The following WASHC5 variants were observed in gnomAD, a reference collection of about 807,000 sequenced individuals.
The protein encoded by WASHC5 is WASH complex subunit 5.
WASHC5 carries 101 observed loss-of-function variants against 150.4 expected under a neutral mutation model. That is an observed-to-expected ratio of 0.67 (90% CI 0.57 to 0.79). The LOEUF (loss-of-function observed/expected upper bound fraction) is 0.79. Among genes scored for constraint, WASHC5 ranks in the 30% least tolerant of loss-of-function variants. The pLI, the probability that WASHC5 is intolerant of heterozygous loss-of-function variation, is 0.00. For missense variants in WASHC5, 1,195 were observed against 1,396.3 expected (o/e 0.86, Z 2.30); for synonymous variants, 467 against 491.2 (o/e 0.95, Z 0.65).
At chr8:125,034,127 C>T (rs945003222) in intron 26 of WASHC5, among the ~76,000 whole-genome samples, 3 of 152,066 alleles carry the variant, frequency 2.0e-5, no homozygotes, top group Non-Finnish European at 2.9e-5. Flanking sequence ...CCAATAAGCA[C>T]ATGAAAAAGT....
At chr8:125,034,669 A>G (rs1815645845) in intron 26 of WASHC5, among the ~76,000 whole-genome samples, 1 of 152,232 alleles carries the variant, frequency 6.6e-6, no homozygotes, top group South Asian at 2.1e-4. Context: ...ACAGACCCTC[A>G]GGTCCCATAT....
chr8:125,041,104 G>A (rs1209185050), intron 23 of WASHC5, among the ~76,000 whole-genome samples: 2 of 152,192 alleles, frequency 1.3e-5, no homozygotes, highest in Non-Finnish European at 2.9e-5. Flanking sequence ...TGGATGATAG[G>A]AAGCGATCTT....
At chr8:125,064,799 G>C (rs1816700443) in intron 10 of WASHC5, among the ~76,000 whole-genome samples, 1 of 152,248 alleles carries the variant, frequency 6.6e-6, no homozygotes, top group African/African-American at 2.4e-5. Flanking sequence ...TGAGCAATGG[G>C]ATAGGGAGAC....
intron 1 of WASHC5, among the ~76,000 whole-genome samples, chr8:125,085,824 G>A (rs1329746382): frequency 6.6e-6 from 1 of 152,170 alleles, no homozygotes. Context: ...ACTTGATGAG[G>A]TTTCAGAAAG....
chr8:125,090,560 C>T (rs931721843), intron 1 of WASHC5, among the ~76,000 whole-genome samples: 2 of 152,094 alleles, frequency 1.3e-5, no homozygotes, highest in African/African-American at 4.8e-5. Flanking sequence ...TTACAAGTGC[C>T]GGTAACTTCA....
intron 5 of WASHC5, among the ~76,000 whole-genome samples, chr8:125,080,028 A>C (rs1181532083): frequency 6.6e-6 from 1 of 152,210 alleles, no homozygotes; most frequent in Non-Finnish European, 1.5e-5. Flanking sequence ...TTCTACAGAG[A>C]TCTAATAAAC....
At chr8:125,063,973 C>T (rs1157794455) in intron 10 of WASHC5, among the ~76,000 whole-genome samples, 1 of 152,110 alleles carries the variant, frequency 6.6e-6, no homozygotes, top group Non-Finnish European at 1.5e-5. Flanking sequence ...CAGAAATCCG[C>T]ATTTTTAATG....
chr8:125,068,830 T>C (rs1393538494), intron 9 of WASHC5, among the ~76,000 whole-genome samples: 3 of 152,278 alleles, frequency 2.0e-5, no homozygotes, highest in African/African-American at 7.2e-5. Context: ...GTAAAAATAC[T>C]GGATGTCCTA....
chr8:125,056,414 G>A (rs144836658), intron 16 of WASHC5, among the ~76,000 whole-genome samples: 19 of 152,348 alleles, frequency 1.2e-4, no homozygotes, highest in African/African-American at 4.1e-4. Flanking sequence ...TAGCAAGACT[G>A]TTATAGGAAA....
chr8:125,067,282 T>C (rs1816769853), intron 10 of WASHC5, among the ~76,000 whole-genome samples: 1 of 152,146 alleles, frequency 6.6e-6, no homozygotes, highest in African/African-American at 2.4e-5. Flanking sequence ...CCTTCCAAGG[T>C]GCTGGGATTA....
At chr8:125,041,698 A>C (rs1305110450) in intron 23 of WASHC5, among the ~76,000 whole-genome samples, 4 of 152,182 alleles carry the variant, frequency 2.6e-5, no homozygotes, top group African/African-American at 9.7e-5. Flanking sequence ...ACTTAGCTAA[A>C]TGGAGCTTGT....
At chr8:125,033,954 T>TA (rs902183728) in intron 26 of WASHC5, among the ~76,000 whole-genome samples, 8 of 151,920 alleles carry the variant, frequency 5.3e-5, no homozygotes, top group Non-Finnish European at 1.2e-4. Flanking sequence ...AAGTTACCAG[T>TA]AAAAAAATAC....
chr8:125,075,106 A>G lies in WASHC5; in HGVS notation c.870T>C (p.Ile290=). ...VDKYFPDNWV[I]SIYMGITVNL... is the part of the protein sequence containing the mutation. ...TAACTGTGATCCCCATGTAAATACT[A>G]ATTACCTGAAAGAGGAGACATTCAG... is the stretch of plus-strand genomic sequence containing the variant. The change falls in exon 8 of 29, where the codon ATT becomes ATC. Residue 290 remains isoleucine (I), a synonymous_variant. Coordinates refer to ENST00000318410, the MANE Select transcript of WASHC5 (RefSeq NM_014846.4). 3 of 1,569,324 alleles carry G rather than the reference A, an allele frequency of 1.9e-6. No homozygotes were observed. The highest frequency in any genetic ancestry group is 1.7e-4 in the Middle Eastern group (1 of 5,978).
At position 125,038,908 on chromosome 8, in the gene WASHC5, G is replaced by A. The variant is rs1440526650; in HGVS notation, c.3006C>T (p.Tyr1002=). The change falls in exon 25 of 29, where the codon TAC becomes TAT. Residue 1002 remains tyrosine, a synonymous_variant. Coordinates refer to ENST00000318410, the MANE Select transcript of WASHC5 (RefSeq NM_014846.4). ...ATAAAAGTGTGTTATCTTCTTTGGG[G>A]TAAGGAAGTGAAGGGTCCTGATAGT... The part of the protein sequence containing the change: ...EAHYQDPSLP[Y]PKEDNTLLYE... 2 of 1,614,000 alleles carry A rather than the reference G, an allele frequency of 1.2e-6. No homozygotes were observed. Among genetic ancestry groups the A allele is most frequent in the South Asian group, 1.1e-5 (1 of 91,086 alleles).
chr8:125,044,855 C>T, intron 20 of WASHC5, 157 bp from the exon 21 acceptor site: 1 of 754,406 alleles, frequency 1.3e-6, no homozygotes, highest in East Asian at 2.5e-5. Flanking sequence ...ATGCGTCTTC[C>T]CAGTGACACC....
In WASHC5 at chr8:125,078,908, A is replaced by T. The variant is rs1817146560; in HGVS notation, c.541T>A (p.Ser181Thr). The T allele has an allele frequency of 6.2e-7, 1 of 1,613,858 alleles. No individual in the cohort carries two copies. The highest frequency in any genetic ancestry group is 8.5e-7 in the Non-Finnish European group (1 of 1,179,882). Residue 181 changes from serine (S) to threonine (T), a missense_variant, in exon 6 of 29, where the codon TCA becomes ACA. Around this residue, in one of 3 missense-constraint regions of WASHC5, gnomAD observed 195 missense variants for 206.9 expected, o/e 0.94. Transcript: ENST00000318410. The part of the protein sequence containing the change: ...RYSAARSSAD[S>T]NMDDICKLLR... ...AGCTTACAAATATCGTCCATATTTGAATCAGCAGAAGATCGAGCAGCACTG... is the reference window on the plus strand; with the variant it reads ...AGCTTACAAATATCGTCCATATTTGTATCAGCAGAAGATCGAGCAGCACTG...
At chr8:125,060,265 T>C (rs1816554231) in intron 12 of WASHC5, among the ~76,000 whole-genome samples, 1 of 152,152 alleles carries the variant, frequency 6.6e-6, no homozygotes. Flanking sequence ...GGCAGGTGGA[T>C]CACCTGAGGT....
chr8:125,052,389 T>A (rs77955882), intron 17 of WASHC5, among the ~76,000 whole-genome samples: 4,691 of 152,218 alleles, frequency 0.031, 254 homozygotes, highest in African/African-American at 0.11. Context: ...ACATTTCTAT[T>A]CCCTTCCCCT....
chr8:125,083,408 A>G lies in WASHC5; in HGVS notation c.187-150T>C, dbSNP rs1053032683. ...AAAGTAGTGAAGATAATAGAAGCCT[A>G]GATATAAAATCCCTTTGAGAGAAAT... is the stretch of plus-strand genomic sequence containing the variant. On this transcript the variant is annotated intron_variant, in intron 2 of 28. Coordinates refer to ENST00000318410, the MANE Select transcript of WASHC5 (RefSeq NM_014846.4). 10 of 736,268 alleles carry G rather than the reference A, an allele frequency of 1.4e-5. No individual in the cohort carries two copies. The African/African-American group carries it at 1.8e-4, about 13-fold the overall frequency. 45.6% of individuals were successfully genotyped at this position (736,268 alleles called of 1,614,324 possible).
Sources: gnomAD v4.1 joint callset for allele counts (sites outside exome capture counted in the v4.1 genomes callset) on GRCh38, gnomAD v4.1.1 for gene constraint, gnomAD v4.1.1 regional missense constraint, MANE v1.5 for transcripts, NCBI Gene and HGNC (gene_info 2026-07-23, HGNC 2026-07-21) for gene names.